The following LRPPRC variants were observed in gnomAD, a reference collection of about 807,000 sequenced individuals.
The protein encoded by LRPPRC is leucine rich pentatricopeptide repeat containing, also known as leucine-rich PPR motif-containing protein, mitochondrial.
In LRPPRC, 120 loss-of-function variants were observed where a neutral mutation model predicts 180.3. The ratio of observed to expected loss-of-function variants is 0.67; its 90% confidence interval spans 0.57 to 0.77. The LOEUF is 0.77. Ranked by LOEUF, LRPPRC falls within the 30% of genes least tolerant of loss-of-function variation. The pLI is 0.00. For synonymous variants in LRPPRC, 723 were observed against 600.0 expected (o/e 1.21, Z -3.00); for missense variants, 2,012 against 1,657.2 (o/e 1.21, Z -3.72).
intron 1 of LRPPRC, among the ~76,000 whole-genome samples, chr2:43,992,202 C>A (rs1674812012): frequency 6.6e-6 from 1 of 152,064 alleles, no homozygotes; most frequent in Non-Finnish European, 1.5e-5. Context: ...GGACACCTGA[C>A]TAAGGGGGAA....
chr2:43,986,738 G>A (rs762408457), intron 1 of LRPPRC, among the ~76,000 whole-genome samples: 6 of 152,134 alleles, frequency 3.9e-5, no homozygotes, highest in East Asian at 1.9e-4. Context: ...CGAACTCAAC[G>A]TGGCAAAAGG....
intron 29 of LRPPRC, among the ~76,000 whole-genome samples, chr2:43,917,042 C>CT (rs1206227556): frequency 0.18 from 21,389 of 119,000 alleles, 2,508 homozygotes; most frequent in Non-Finnish European, 0.21. Context: ...ACTAGATTTG[C>CT]TTTTTTTTTT....
rs1179796975 is a variant in LRPPRC at position 43,974,725 on chromosome 2, G to A, written c.898C>T (p.Leu300Phe). The A allele has an allele frequency of 6.2e-7, 1 of 1,613,434 alleles. No homozygotes were observed. The highest frequency in any genetic ancestry group is 8.5e-7 in the Non-Finnish European group (1 of 1,179,606). The change falls in exon 8 of 38, where the codon CTT (leucine) becomes TTT (phenylalanine). Residue 300 changes from leucine (L) to phenylalanine (F), a missense_variant. By Grantham distance (22) the Leu-to-Phe change is conservative (BLOSUM62 0). Transcript: ENST00000260665. ...ATTTGCAGTAAATCACGGTCCATAA[G>A]GTGAAGCTCGGACTTCTCCACCTTC... is the stretch of plus-strand genomic sequence containing the variant. ...LEKVEKSELH[L>F]MDRDLLQIIF...
At chr2:43,905,827 T>TA in intron 30 of LRPPRC, 47 bp from the exon 31 acceptor site, 1 of 1,136,674 alleles carries the variant, frequency 8.8e-7, no homozygotes, top group Non-Finnish European at 1.3e-6. Flanking sequence ...ATGCTTCTGA[T>TA]ACGATAATAA....
intron 2 of LRPPRC, among the ~76,000 whole-genome samples, chr2:43,981,020 A>C (rs1219171954): frequency 6.6e-6 from 1 of 152,190 alleles, no homozygotes; most frequent in African/African-American, 2.4e-5. Flanking sequence ...TTATATCTAC[A>C]CTTCTGAGTG....
rs1295668482 is a variant in LRPPRC at position 43,888,676 on chromosome 2, A to C, written c.4129-20T>G. 3 of 1,448,594 alleles carry C rather than the reference A, an allele frequency of 2.1e-6. No homozygotes were observed. The Admixed American group carries it at 5.0e-5, about 24-fold the overall frequency. 89.7% of individuals were successfully genotyped at this position (1,448,594 alleles called of 1,614,324 possible). A position where few individuals can be genotyped will look rare whatever the true frequency, so the allele number is the denominator to read the frequency against. On this transcript the variant is annotated intron_variant, in intron 37 of 37. Coordinates refer to ENST00000260665, the MANE Select transcript of LRPPRC (RefSeq NM_133259.4). ...GCTTTCCTGTTAAGGAGAAAAAAAGAGGGAAGTTAGAGATACCAGCAAGAG... is the reference window on the plus strand; with the variant it reads ...GCTTTCCTGTTAAGGAGAAAAAAAGCGGGAAGTTAGAGATACCAGCAAGAG...
At chr2:43,960,441 A>G (rs771114769) in intron 13 of LRPPRC, 100 bp downstream of exon 13, 2 of 768,164 alleles carry the variant, frequency 2.6e-6, no homozygotes, top group Non-Finnish European at 4.7e-6. Flanking sequence ...AACAAAACAT[A>G]TAAACCTTCC....
chr2:43,964,521 C>T (rs1673476158), intron 11 of LRPPRC, among the ~76,000 whole-genome samples: 1 of 152,030 alleles, frequency 6.6e-6, no homozygotes, highest in African/African-American at 2.4e-5. Flanking sequence ...CTAAAAGTCC[C>T]TGTTTCTGGC....
At chr2:43,929,866 T>A (rs1387004991) in intron 25 of LRPPRC, among the ~76,000 whole-genome samples, 1 of 152,116 alleles carries the variant, frequency 6.6e-6, no homozygotes, top group East Asian at 1.9e-4. Context: ...CCAGGTGTTA[T>A]AGGAGATACT....
chr2:43,975,267 A>G, intron 6 of LRPPRC, 50 bp from the exon 7 acceptor site: 1 of 1,526,642 alleles, frequency 6.6e-7, no homozygotes, highest in Non-Finnish European at 9.0e-7. Flanking sequence ...CAAATTTAAT[A>G]TAGTTATTCA....
In LRPPRC at chr2:43,918,294, T is replaced by TA; in HGVS notation, c.3000dup (p.Arg1001Ter). On this transcript the variant is annotated frameshift_variant, in exon 28 of 38. Coordinates refer to ENST00000260665, the MANE Select transcript of LRPPRC (RefSeq NM_133259.4). LOFTEE classifies it high-confidence loss of function. ...AACGGAACTTCCTGGTTACCCTCTC[T>TA]AAGGATTTCTGCTAATAATCTTAAT... 3 of 1,612,634 alleles carry TA rather than the reference T, an allele frequency of 1.9e-6. No homozygotes were observed. Among genetic ancestry groups the TA allele is most frequent in the Non-Finnish European group, 2.5e-6 (3 of 1,178,654 alleles).
intron 1 of LRPPRC, among the ~76,000 whole-genome samples, chr2:43,983,309 A>G (rs1674391917): frequency 1.3e-5 from 2 of 149,870 alleles, no homozygotes; most frequent in South Asian, 4.3e-4. Context: ...TTTTTAAAAT[A>G]AACACAATTT....
At chr2:43,890,413 C>T (rs1295824973) in intron 36 of LRPPRC, 2 of 461,576 alleles carry the variant, frequency 4.3e-6, no homozygotes, top group Non-Finnish European at 8.9e-6. Context: ...CAATGATACA[C>T]ACACACAAAA....
At chr2:43,901,204 T>G (rs1572896070) in intron 32 of LRPPRC, 116 bp downstream of exon 32, 1 of 735,174 alleles carries the variant, frequency 1.4e-6, no homozygotes, top group African/African-American at 1.7e-5. Context: ...AGCATCAACA[T>G]TTCCTCTGCA....
intron 12 of LRPPRC, 30 bp downstream of exon 12, chr2:43,963,558 T>A (rs747281172): frequency 7.9e-7 from 1 of 1,259,156 alleles, no homozygotes; most frequent in Non-Finnish European, 1.2e-6. Context: ...TCCTCTTCAA[T>A]TATTAAATTA....
In LRPPRC at chr2:43,886,553, C is replaced by T. The variant is rs1350766243; in HGVS notation, c.*2047G>A. 2 of 152,076 alleles carry T rather than the reference C, an allele frequency of 1.3e-5. No homozygotes were observed. The highest frequency in any genetic ancestry group is 2.1e-4 in the South Asian group (1 of 4,822). 9.4% of individuals were successfully genotyped at this position (152,076 alleles called of 1,614,324 possible). A position where few individuals can be genotyped will look rare whatever the true frequency, so the allele number is the denominator to read the frequency against. ...TTGAACAGCTAGTCCTTTGTAACAC[C>T]CCCCCGCTGCTGCCGAGAGGGCTAG... On this transcript the variant is annotated 3_prime_UTR_variant, in exon 38 of 38. Coordinates refer to ENST00000260665, the MANE Select transcript of LRPPRC (RefSeq NM_133259.4).
intron 14 of LRPPRC, 63 bp downstream of exon 14, chr2:43,957,322 G>T: frequency 9.0e-7 from 1 of 1,105,050 alleles, no homozygotes; most frequent in Non-Finnish European, 1.4e-6. Flanking sequence ...CATGCAATAA[G>T]TCAAAAGGAC....
chr2:43,889,670 C>T, intron 37 of LRPPRC, 64 bp downstream of exon 37: 2 of 1,254,116 alleles, frequency 1.6e-6, no homozygotes, highest in Admixed American at 1.7e-5. Flanking sequence ...TTTTCTTACA[C>T]ATTGTTATGA....
chr2:43,950,152 A>G (rs1397738081), intron 15 of LRPPRC, among the ~76,000 whole-genome samples: 1 of 152,176 alleles, frequency 6.6e-6, no homozygotes, highest in Non-Finnish European at 1.5e-5. Flanking sequence ...ATTCATCTTA[A>G]TGAGACTAAA....
Sources: allele counts gnomAD v4.1 joint callset (sites outside exome capture counted in the v4.1 genomes callset), GRCh38; gene constraint gnomAD v4.1.1; transcripts MANE v1.5; gene names NCBI Gene and HGNC (gene_info 2026-07-23, HGNC 2026-07-21).